EVL: variants seen among roughly 807,000 people sequenced by gnomAD.
EVL encodes ena/VASP-like protein.
EVL carries 21 observed loss-of-function variants against 59.6 expected under a neutral mutation model. That is an observed-to-expected ratio of 0.35 (90% CI 0.25 to 0.51). The LOEUF is 0.51. Among genes scored for constraint, EVL ranks in the 20% least tolerant of loss-of-function variants. The pLI, the probability that EVL is intolerant of heterozygous loss-of-function variation, is 0.97. For missense variants in EVL, 462 were observed against 546.6 expected (o/e 0.85, Z 1.54); for synonymous variants, 198 against 203.5 (o/e 0.97, Z 0.23).
chr14:100,138,135 C>G, intron 11 of EVL: 2 of 429,696 alleles, frequency 4.7e-6, no homozygotes, highest in Middle Eastern at 6.4e-4. Context: ...GTTTTCCCCC[C>G]ACAAAGTGAG....
chr14:100,030,435 T>C (rs996582477), intron 1 of EVL, among the ~76,000 whole-genome samples: 1 of 152,214 alleles, frequency 6.6e-6, no homozygotes, highest in African/African-American at 2.4e-5. Flanking sequence ...AGATACTCAA[T>C]AAATTAATTC....
intron 13 of EVL, chr14:100,142,078 G>T: frequency 3.1e-6 from 1 of 321,714 alleles, no homozygotes; most frequent in Non-Finnish European, 6.0e-6. Context: ...AGAGCATGGA[G>T]GGGAGACCCC....
At chr14:100,120,633 G>C (rs1162130549) in intron 3 of EVL, among the ~76,000 whole-genome samples, 1 of 152,210 alleles carries the variant, frequency 6.6e-6, no homozygotes, top group Non-Finnish European at 1.5e-5. Flanking sequence ...AACACAGAGA[G>C]ACAGGAAGCA....
intron 3 of EVL, among the ~76,000 whole-genome samples, chr14:100,117,010 G>A (rs1285579562): frequency 6.6e-6 from 1 of 152,196 alleles, no homozygotes; most frequent in African/African-American, 2.4e-5. Flanking sequence ...CAGCCAAGGC[G>A]GAAAGGGACT....
intron 3 of EVL, among the ~76,000 whole-genome samples, chr14:100,119,588 C>T (rs2140360445): frequency 6.6e-6 from 1 of 152,366 alleles, no homozygotes; most frequent in East Asian, 1.9e-4. Context: ...CTTAAGCCAG[C>T]ACATAGGCAG....
chr14:99,975,580 A>G (rs942556909), intron 1 of EVL, among the ~76,000 whole-genome samples: 2 of 152,248 alleles, frequency 1.3e-5, no homozygotes, highest in Non-Finnish European at 2.9e-5. Flanking sequence ...TCCAGATAAA[A>G]CTGTTCCACC....
At chr14:100,119,387 C>T (rs981360664) in intron 3 of EVL, among the ~76,000 whole-genome samples, 1 of 152,222 alleles carries the variant, frequency 6.6e-6, no homozygotes, top group Admixed American at 6.5e-5. Flanking sequence ...AAGCTTGGGA[C>T]ACTGGGGCCA....
intron 7 of EVL, among the ~76,000 whole-genome samples, chr14:100,131,807 T>C (rs1411130041): frequency 2.6e-5 from 4 of 152,146 alleles, no homozygotes; most frequent in African/African-American, 4.8e-5. Flanking sequence ...CTGACAGTTA[T>C]AAGAAGCTGG....
chr14:100,113,847 A>G (rs1887158828), intron 3 of EVL, among the ~76,000 whole-genome samples: 1 of 152,148 alleles, frequency 6.6e-6, no homozygotes. Context: ...GCACCGGGAC[A>G]GGCAAGTTGG....
intron 3 of EVL, among the ~76,000 whole-genome samples, chr14:100,099,984 C>T (rs1466699615): frequency 2.5e-5 from 2 of 79,628 alleles, no homozygotes; most frequent in Non-Finnish European, 4.4e-5. Context: ...TTTACTTGTA[C>T]ATGCAGATAC....
In EVL at chr14:100,130,206, C is replaced by T. The variant is rs1012424212; in HGVS notation, c.839+522C>T. On this transcript the variant is annotated intron_variant, in intron 7 of 13. Transcript: ENST00000392920. The surrounding 1 kb of genome is among the most constrained non-coding windows in gnomAD (Gnocchi z 4.8). ...AGAGTAGTTCCATCTACATCCCGGCCGGGCTCTTGGGCCTGAGACCTGGCC... is the reference window on the plus strand; with the variant it reads ...AGAGTAGTTCCATCTACATCCCGGCTGGGCTCTTGGGCCTGAGACCTGGCC... Among the ~76,000 whole-genome samples, 7 of 152,188 alleles carry T rather than the reference C, an allele frequency of 4.6e-5. No homozygotes were observed. Among genetic ancestry groups the T allele is most frequent in the Non-Finnish European group, 8.8e-5 (6 of 68,026 alleles).
chr14:100,116,628 C>G (rs1439317762), intron 3 of EVL, among the ~76,000 whole-genome samples: 1 of 152,186 alleles, frequency 6.6e-6, no homozygotes, highest in Non-Finnish European at 1.5e-5. Context: ...CAGACAGGAG[C>G]CACACCGCTC....
intron 1 of EVL, among the ~76,000 whole-genome samples, chr14:99,982,207 AGT>A (rs1424607402): frequency 6.6e-6 from 1 of 152,204 alleles, no homozygotes; most frequent in Non-Finnish European, 1.5e-5. Context: ...CAAAATTGAA[AGT>A]GTACTGTATA....
chr14:100,129,390 G>T (rs981751131), intron 6 of EVL, among the ~76,000 whole-genome samples, 173 bp from the exon 7 acceptor site: 1 of 152,114 alleles, frequency 6.6e-6, no homozygotes, highest in African/African-American at 2.4e-5. Flanking sequence ...CTCGATTCTG[G>T]TTTTCTCCCC....
chr14:99,998,413 G>C (rs990034345), intron 1 of EVL, among the ~76,000 whole-genome samples: 6 of 152,076 alleles, frequency 3.9e-5, no homozygotes, highest in Admixed American at 2.6e-4. Flanking sequence ...TCTAATTTGA[G>C]ATATTGTCTT....
intron 11 of EVL, chr14:100,140,867 T>G: frequency 3.8e-6 from 1 of 260,862 alleles, no homozygotes; most frequent in South Asian, 9.7e-5. Context: ...AGGCAACGGG[T>G]GGGTGCGATG....
chr14:99,992,622 T>A (rs2060882881), intron 1 of EVL, among the ~76,000 whole-genome samples: 1 of 152,212 alleles, frequency 6.6e-6, no homozygotes, highest in African/African-American at 2.4e-5. Flanking sequence ...AAGGTAAGGA[T>A]CTAACCTCAT....
At chr14:100,009,020 G>A (rs774421660) in intron 1 of EVL, among the ~76,000 whole-genome samples, 25 of 152,138 alleles carry the variant, frequency 1.6e-4, no homozygotes, top group Non-Finnish European at 3.1e-4. Flanking sequence ...GCTTTTTGAG[G>A]AAACAAAACA....
chr14:99,973,627 T>A (rs1036577243), intron 1 of EVL, among the ~76,000 whole-genome samples: 2 of 152,200 alleles, frequency 1.3e-5, no homozygotes, highest in Admixed American at 6.5e-5. Flanking sequence ...CACACCTGGC[T>A]GATTTTTGTA....
Sources: gnomAD v4.1 joint callset for allele counts (sites outside exome capture counted in the v4.1 genomes callset) on GRCh38, gnomAD v4.1.1 for gene constraint, Gnocchi (gnomAD v3.1) non-coding constraint, MANE v1.5 for transcripts, NCBI Gene and HGNC (gene_info 2026-07-23, HGNC 2026-07-21) for gene names.